Variants in LRP1B observed in about 807,000 individuals in gnomAD.
The protein encoded by LRP1B is LDL receptor related protein 1B, also known as low-density lipoprotein receptor-related protein 1B.
In LRP1B, 217 loss-of-function variants were observed where a neutral mutation model predicts 556.6. That is an observed-to-expected ratio of 0.39 (90% CI 0.35 to 0.44). The LOEUF is 0.44. Ranked by LOEUF, LRP1B falls within the 20% of genes least tolerant of loss-of-function variation. The pLI is 1.00. For missense variants in LRP1B, 5,053 were observed against 5,620.8 expected, an observed-to-expected ratio of 0.90 and a Z score of 3.23; for synonymous variants, 2,047 against 1,865.8, an observed-to-expected ratio of 1.10 and a Z score of -2.50.
intron 4 of LRP1B, among the ~76,000 whole-genome samples, chr2:141,252,734 A>G (rs1684309919): frequency 6.6e-6 from 1 of 152,154 alleles, no homozygotes; most frequent in South Asian, 2.1e-4. Context: ...CACAACATTG[A>G]CTACAAAGGA....
At chr2:141,424,627 T>C (rs1328946751) in intron 3 of LRP1B, among the ~76,000 whole-genome samples, 1 of 152,208 alleles carries the variant, frequency 6.6e-6, no homozygotes, top group Non-Finnish European at 1.5e-5. Context: ...TTAAGTGATA[T>C]GATGTATTTA....
rs190070765 is a variant in LRP1B at position 141,512,925 on chromosome 2, C to G, written c.206-32392G>C. Reference sequence around the variant, plus strand: ...CTAGGACAGCAAATAGCCAAATAAACTAGATCATCTTGATCTATACATTAC... The same window carrying G: ...CTAGGACAGCAAATAGCCAAATAAAGTAGATCATCTTGATCTATACATTAC... On this transcript the variant is annotated intron_variant, in intron 2 of 90. Coordinates refer to ENST00000389484, the MANE Select transcript of LRP1B (RefSeq NM_018557.3). 2.0e-5 allele frequency among the ~76,000 whole-genome samples: 3 copies of G among 152,230 alleles called. No homozygotes were observed. The East Asian group carries it at 5.8e-4, about 29-fold the overall frequency.
At chr2:141,105,919 A>G (rs944894095) in intron 7 of LRP1B, among the ~76,000 whole-genome samples, 1 of 148,432 alleles carries the variant, frequency 6.7e-6, no homozygotes, top group African/African-American at 2.6e-5. Flanking sequence ...TCATCCTCTT[A>G]AAAAAAAAGC....
intron 1 of LRP1B, among the ~76,000 whole-genome samples, chr2:141,977,253 C>G (rs1055610632): frequency 6.6e-6 from 1 of 152,076 alleles, no homozygotes; most frequent in Non-Finnish European, 1.5e-5. Flanking sequence ...TTACTAGCAT[C>G]TATAATCCAG....
intron 2 of LRP1B, among the ~76,000 whole-genome samples, chr2:141,497,686 T>C (rs183202924): frequency 6.6e-6 from 1 of 151,950 alleles, no homozygotes; most frequent in Non-Finnish European, 1.5e-5. Context: ...GCTTAAAGAG[T>C]TGAATAGGTG....
At chr2:140,454,667 T>C (rs1687024606) in intron 62 of LRP1B, among the ~76,000 whole-genome samples, 1 of 152,210 alleles carries the variant, frequency 6.6e-6, no homozygotes, top group African/African-American at 2.4e-5. Context: ...TGGGAAATAA[T>C]TTTATTAGAT....
chr2:140,706,724 G>A (rs985202922), intron 37 of LRP1B, among the ~76,000 whole-genome samples: 1 of 152,108 alleles, frequency 6.6e-6, no homozygotes, highest in Non-Finnish European at 1.5e-5. Context: ...CAAAGGCCTA[G>A]CAAACCCTTA....
At chr2:141,430,186 T>G (rs200997190) in intron 3 of LRP1B, among the ~76,000 whole-genome samples, 1 of 116,194 alleles carries the variant, frequency 8.6e-6, no homozygotes. Flanking sequence ...CTATTACAGA[T>G]TTCTCAAAAG....
At chr2:140,429,016 C>A (rs1023512624) in intron 66 of LRP1B, among the ~76,000 whole-genome samples, 1 of 152,122 alleles carries the variant, frequency 6.6e-6, no homozygotes, top group African/African-American at 2.4e-5. Flanking sequence ...CTTGTATCCC[C>A]CCACCTTAAC....
chr2:140,597,403 TCA>T (rs1682485980), intron 43 of LRP1B, among the ~76,000 whole-genome samples: 1 of 152,124 alleles, frequency 6.6e-6, no homozygotes, highest in African/African-American at 2.4e-5. Flanking sequence ...AGTTATAAAC[TCA>T]TTTTTTTCAA....
At chr2:141,135,822 G>T (rs184407546) in intron 7 of LRP1B, among the ~76,000 whole-genome samples, 1 of 151,952 alleles carries the variant, frequency 6.6e-6, no homozygotes, top group East Asian at 1.9e-4. Flanking sequence ...ATACTTCAGG[G>T]CTGTACTTTC....
intron 2 of LRP1B, among the ~76,000 whole-genome samples, chr2:141,626,859 G>T (rs1413381767): frequency 3.3e-5 from 5 of 152,162 alleles, no homozygotes; most frequent in Non-Finnish European, 5.9e-5. Context: ...GAATGCAAAA[G>T]GATATAGCCA....
intron 2 of LRP1B, among the ~76,000 whole-genome samples, chr2:141,721,063 C>A (rs534410827): frequency 5.9e-5 from 9 of 152,070 alleles, no homozygotes; most frequent in Non-Finnish European, 1.3e-4. Flanking sequence ...TCTGATAAAA[C>A]TGTAACAAAC....
intron 3 of LRP1B, among the ~76,000 whole-genome samples, chr2:141,318,492 T>A (rs939336925): frequency 3.9e-5 from 6 of 152,176 alleles, no homozygotes; most frequent in African/African-American, 1.4e-4. Context: ...AAAGAAGTAA[T>A]AATTCTTCAC....
chr2:140,522,042 C>G (rs2104955634), intron 49 of LRP1B, among the ~76,000 whole-genome samples: 1 of 152,100 alleles, frequency 6.6e-6, no homozygotes, highest in South Asian at 2.1e-4. Flanking sequence ...AGGCAGAAAA[C>G]TAACAAGGAA....
At chr2:141,814,137 A>C (rs1333985918) in intron 1 of LRP1B, among the ~76,000 whole-genome samples, 1 of 152,218 alleles carries the variant, frequency 6.6e-6, no homozygotes, top group African/African-American at 2.4e-5. Flanking sequence ...TGTAAAACAG[A>C]TGAAAGGTAT....
chr2:142,031,341 T>TC (rs1553506202), intron 1 of LRP1B, among the ~76,000 whole-genome samples: 3 of 126,008 alleles, frequency 2.4e-5, no homozygotes, highest in African/African-American at 5.7e-5. Context: ...TTTTTTTTTT[T>TC]TTTTTTTATT....
intron 2 of LRP1B, among the ~76,000 whole-genome samples, chr2:141,726,741 A>G (rs2105509780): frequency 6.6e-6 from 1 of 152,246 alleles, no homozygotes; most frequent in Non-Finnish European, 1.5e-5. Context: ...CCAGTGGAAT[A>G]ACAGTATTAT....
At chr2:141,961,509 T>C (rs962019256) in intron 1 of LRP1B, among the ~76,000 whole-genome samples, 6 of 151,720 alleles carry the variant, frequency 4.0e-5, no homozygotes, top group African/African-American at 1.4e-4. Flanking sequence ...ACGTATTTAA[T>C]TGATCTGGGT....
Sources: allele counts gnomAD v4.1 joint callset (sites outside exome capture counted in the v4.1 genomes callset), GRCh38; gene constraint gnomAD v4.1.1; transcripts MANE v1.5; gene names NCBI Gene and HGNC (gene_info 2026-07-23, HGNC 2026-07-21).